The following NCOA3 variants were observed in gnomAD, a reference collection of about 807,000 sequenced individuals.
NCOA3 encodes the protein CBP-interacting protein.
In NCOA3, 51 loss-of-function variants were observed where a neutral mutation model predicts 158.8. The ratio of observed to expected loss-of-function variants is 0.32; its 90% CI spans 0.26 to 0.41. The LOEUF (loss-of-function observed/expected upper bound fraction) is 0.41, where lower values mean the gene tolerates loss of function less well. NCOA3 is among the 10% of genes least tolerant of loss of function. The probability of loss-of-function intolerance (pLI) is 1.00; values close to 1 mark genes in which losing one functional copy is unlikely to be tolerated. For synonymous variants in NCOA3, 537 were observed against 592.4 expected (o/e 0.91, Z 1.36); for missense variants, 1,510 against 1,746.6 (o/e 0.86, Z 2.41).
At chr20:47,526,093 C>T (rs2084441534) in intron 1 of NCOA3, among the ~76,000 whole-genome samples, 2 of 148,316 alleles carry the variant, frequency 1.3e-5, no homozygotes, top group Non-Finnish European at 3.0e-5. Flanking sequence ...ACGGGGTGGC[C>T]GGGCAGAGAC....
chr20:47,557,371 G>C (rs1359511447), intron 1 of NCOA3, among the ~76,000 whole-genome samples: 1 of 152,126 alleles, frequency 6.6e-6, no homozygotes, highest in African/African-American at 2.4e-5. Context: ...CTCTAATCCT[G>C]ATAATCCTGT....
chr20:47,539,996 T>A (rs1280391763), intron 1 of NCOA3, among the ~76,000 whole-genome samples: 1 of 152,226 alleles, frequency 6.6e-6, no homozygotes, highest in Non-Finnish European at 1.5e-5. Context: ...TGAAACCTTC[T>A]AGAGTTGGAT....
rs1464626672 is a variant in NCOA3 at position 47,571,002 on chromosome 20, G to GTGTGTGTGTGTGTA, written c.-98-12180_-98-12179insGTGTGTGTGTGTAT. Among the ~76,000 whole-genome samples, 5 of 142,002 alleles carry GTGTGTGTGTGTGTA rather than the reference G, an allele frequency of 3.5e-5. No homozygotes were observed. The East Asian group carries it at 8.4e-4, about 24-fold the overall frequency. 93.2% of individuals were successfully genotyped at this position (142,002 alleles called of 152,430 possible). ...TACATATATGTGTGTGTGTGTGTGT[G>GTGTGTGTGTGTGTA]TATATACATTTTTTTTTTCCCATAC... is the stretch of plus-strand genomic sequence containing the variant. On this transcript the variant is annotated intron_variant, in intron 1 of 22. Transcript: ENST00000371998.
intron 1 of NCOA3, among the ~76,000 whole-genome samples, chr20:47,545,108 C>T (rs1472755354): frequency 2.7e-5 from 4 of 145,960 alleles, no homozygotes; most frequent in South Asian, 2.2e-4. Context: ...ATGATGATGT[C>T]GACCTGTTTT....
At chr20:47,505,578 C>T (rs923625969) in intron 1 of NCOA3, among the ~76,000 whole-genome samples, 1 of 151,990 alleles carries the variant, frequency 6.6e-6, no homozygotes, top group Non-Finnish European at 1.5e-5. Flanking sequence ...AAGAGATTAC[C>T]TGTAGCAGTT....
chr20:47,525,764 G>T (rs1602346112), intron 1 of NCOA3, among the ~76,000 whole-genome samples: 1 of 97,388 alleles, frequency 1.0e-5, no homozygotes, highest in Non-Finnish European at 2.0e-5. Context: ...GCGGGGGGCT[G>T]ACCCCCCCCA....
rs556431836 is a variant in NCOA3 at position 47,633,949 on chromosome 20, T to G, written c.965-99T>G. ...TGCAGATCCAGTCTTTCCTTGGATT[T>G]TTAGAAATGTACTTGAAGTATATTT... On this transcript the variant is annotated intron_variant, in intron 9 of 22. Coordinates refer to ENST00000371998, the MANE Select transcript of NCOA3 (RefSeq NM_181659.3). 2.0e-4 allele frequency: 285 copies of G among 1,431,326 alleles called. 10 individuals are homozygous for G. Among genetic ancestry groups the G allele is most frequent in the South Asian group, 1.9e-3 (141 of 75,628 alleles). The allele number at this position is 1,431,326 out of a possible 1,614,324, so 88.7% of individuals were successfully genotyped here. A position where few individuals can be genotyped will look rare whatever the true frequency, so the allele number is the denominator to read the frequency against.
At chr20:47,639,866 T>A in intron 15 of NCOA3, 44 bp downstream of exon 15, 4 of 1,612,652 alleles carry the variant, frequency 2.5e-6, no homozygotes, top group Non-Finnish European at 3.4e-6. Context: ...GAAAGTTAGA[T>A]GTTTCAGGAT....
intron 1 of NCOA3, among the ~76,000 whole-genome samples, chr20:47,505,537 G>GA (rs1412750915): frequency 2.6e-5 from 4 of 151,526 alleles, no homozygotes; most frequent in East Asian, 1.9e-4. Context: ...TCTAGGATTA[G>GA]AAAAAAAACA....
At chr20:47,588,105 G>A (rs890103796) in intron 2 of NCOA3, among the ~76,000 whole-genome samples, 3 of 142,740 alleles carry the variant, frequency 2.1e-5, no homozygotes, top group African/African-American at 7.8e-5. Context: ...GCTTGGATTA[G>A]CCCTCCATAC....
intron 2 of NCOA3, among the ~76,000 whole-genome samples, chr20:47,605,082 G>A (rs1044645140): frequency 1.3e-5 from 2 of 152,150 alleles, no homozygotes; most frequent in African/African-American, 4.8e-5. Flanking sequence ...TGGCCAGGAT[G>A]GTCTCGATCT....
At chr20:47,578,445 C>A (rs1381395330) in intron 1 of NCOA3, among the ~76,000 whole-genome samples, 1 of 152,180 alleles carries the variant, frequency 6.6e-6, no homozygotes, top group East Asian at 1.9e-4. Context: ...CTCGGCCTCC[C>A]AAAATGCTAG....
At chr20:47,581,669 A>G (rs1047924639) in intron 1 of NCOA3, among the ~76,000 whole-genome samples, 1 of 152,212 alleles carries the variant, frequency 6.6e-6, no homozygotes, top group African/African-American at 2.4e-5. Flanking sequence ...ATTAGTGGCA[A>G]TCATATTGTT....
chr20:47,529,122 A>T (rs1462801289), intron 1 of NCOA3, among the ~76,000 whole-genome samples: 3 of 150,854 alleles, frequency 2.0e-5, no homozygotes, highest in African/African-American at 7.3e-5. Flanking sequence ...TTATTTATTT[A>T]AAAAAATTTT....
chr20:47,502,537 A>G (rs1011433923), intron 1 of NCOA3, among the ~76,000 whole-genome samples: 4 of 151,744 alleles, frequency 2.6e-5, no homozygotes, highest in Non-Finnish European at 4.4e-5. Flanking sequence ...TGGGCATTTA[A>G]AAAATATTTT....
rs188868088 is a variant in NCOA3, at chr20:47,583,948, C to A, written c.-20+687C>A. Among the ~76,000 whole-genome samples, 170 of 151,746 alleles carry A rather than the reference C, an allele frequency of 1.1e-3. 2 individuals are homozygous for A. The highest frequency in any genetic ancestry group is 8.8e-5 in the Non-Finnish European group (6 of 67,878). The stretch of plus-strand genomic sequence containing the variant: ...TCTAGCCTGGGCAACAGAATGAAAC[C>A]CTGTCTCCAAAAAGAAAAAAAAGAA... On this transcript the variant is annotated intron_variant, in intron 2 of 22. Coordinates refer to ENST00000371998, the MANE Select transcript of NCOA3 (RefSeq NM_181659.3).
At chr20:47,551,476 G>A (rs1165970070) in intron 1 of NCOA3, among the ~76,000 whole-genome samples, 4 of 152,082 alleles carry the variant, frequency 2.6e-5, no homozygotes, top group African/African-American at 9.7e-5. Flanking sequence ...ACGTATAACT[G>A]TACACACTAA....
intron 1 of NCOA3, among the ~76,000 whole-genome samples, chr20:47,551,133 G>C (rs1038380474): frequency 6.6e-6 from 1 of 152,108 alleles, no homozygotes. Flanking sequence ...TTTCTGACTT[G>C]GAGATGATCT....
intron 1 of NCOA3, among the ~76,000 whole-genome samples, chr20:47,572,159 T>G (rs1462869852): frequency 6.6e-6 from 1 of 152,356 alleles, no homozygotes; most frequent in East Asian, 1.9e-4. Context: ...TTGCTTTGGC[T>G]TATGGAATAT....
Sources: gnomAD v4.1 joint callset for allele counts (sites outside exome capture counted in the v4.1 genomes callset) on GRCh38, gnomAD v4.1.1 for gene constraint, MANE v1.5 for transcripts, NCBI Gene and HGNC (gene_info 2026-07-23, HGNC 2026-07-21) for gene names.